The following CCDC178 variants were observed in gnomAD, a reference collection of about 807,000 sequenced individuals.
CCDC178 encodes coiled-coil domain-containing protein 178.
Under a neutral mutation model 117.4 loss-of-function variants are expected in CCDC178, and 126 were observed. That is an observed-to-expected ratio of 1.07 (90% CI 0.93 to 1.24). CCDC178 has a LOEUF of 1.24. CCDC178 is among the 50% of genes most tolerant of loss of function. The pLI is 0.00. For synonymous variants in CCDC178, 283 were observed against 313.4 expected (o/e 0.90, Z 1.02); for missense variants, 1,030 against 986.9 (o/e 1.04, Z -0.59).
chr18:33,382,107 C>A (rs1399350806), intron 5 of CCDC178, among the ~76,000 whole-genome samples: 1 of 151,988 alleles, frequency 6.6e-6, no homozygotes, highest in East Asian at 1.9e-4. Flanking sequence ...ATGAAAGAAT[C>A]AAAATGGTAA....
chr18:33,127,020 A>C (rs1257295008), intron 20 of CCDC178, among the ~76,000 whole-genome samples: 1 of 135,332 alleles, frequency 7.4e-6, no homozygotes, highest in Non-Finnish European at 1.6e-5. Context: ...ATATATACAC[A>C]CACACACACA....
intron 7 of CCDC178, among the ~76,000 whole-genome samples, chr18:33,350,279 T>G (rs1290398911): frequency 1.3e-5 from 2 of 152,110 alleles, no homozygotes; most frequent in Non-Finnish European, 2.9e-5. Flanking sequence ...TTTCTATTTT[T>G]TTAATTGAGC....
chr18:33,417,535 T>C (rs375413396), intron 2 of CCDC178, among the ~76,000 whole-genome samples: 12 of 148,192 alleles, frequency 8.1e-5, no homozygotes, highest in East Asian at 2.0e-4. Context: ...CAGAGCTGTA[T>C]ACACACACAC....
chr18:33,015,141 A>ATGGGAG (rs2055955786), intron 21 of CCDC178, among the ~76,000 whole-genome samples: 4 of 151,936 alleles, frequency 2.6e-5, no homozygotes, highest in African/African-American at 9.7e-5. Flanking sequence ...CTGTAATCCC[A>ATGGGAG]GCTACTTGGG....
Position 33,412,123 on chromosome 18 carries a change from A to C in CCDC178, c.-22-13T>G. The C allele has an allele frequency of 1.0e-6, 1 of 990,190 alleles. No individual in the cohort carries two copies. The highest frequency in any genetic ancestry group is 1.7e-5 in the African/African-American group (1 of 60,092). The allele number at this position is 990,190 out of a possible 1,614,324, so 61.3% of individuals were successfully genotyped here. A position where few individuals can be genotyped will look rare whatever the true frequency, so the allele number is the denominator to read the frequency against. Reference sequence around the variant, plus strand: ...AATATTTTAAAACCTAATTAGAAAGAAAAATATTTAAATATCATGAATCTA... The same window carrying C: ...AATATTTTAAAACCTAATTAGAAAGCAAAATATTTAAATATCATGAATCTA... On this transcript the variant is annotated splice_polypyrimidine_tract_variant and intron_variant, in intron 2 of 22. Transcript: ENST00000383096.
intron 11 of CCDC178, among the ~76,000 whole-genome samples, chr18:33,306,458 TTA>T (rs372306745): frequency 8.8e-5 from 10 of 113,118 alleles, no homozygotes; most frequent in South Asian, 2.9e-4. Flanking sequence ...GTACATATGG[TTA>T]TATATATATA....
intron 22 of CCDC178, among the ~76,000 whole-genome samples, chr18:32,942,259 T>C (rs1474168406): frequency 6.6e-6 from 1 of 152,132 alleles, no homozygotes; most frequent in Non-Finnish European, 1.5e-5. Flanking sequence ...CAATTTCATT[T>C]TGAATATCGC....
intron 11 of CCDC178, among the ~76,000 whole-genome samples, chr18:33,314,157 C>T (rs1298529760): frequency 2.2e-5 from 3 of 137,604 alleles, no homozygotes; most frequent in Admixed American, 7.8e-5. Flanking sequence ...GCCGAGATCC[C>T]GCCACTGCAC....
intron 20 of CCDC178, among the ~76,000 whole-genome samples, chr18:33,125,754 G>A (rs931680285): frequency 1.3e-5 from 2 of 152,198 alleles, no homozygotes; most frequent in Non-Finnish European, 2.9e-5. Flanking sequence ...GGCTGGGACA[G>A]CTTTTCAGAG....
chr18:32,980,388 G>A (rs1046293591), intron 21 of CCDC178, among the ~76,000 whole-genome samples: 9 of 151,524 alleles, frequency 5.9e-5, no homozygotes, highest in Non-Finnish European at 1.2e-4. Context: ...TCGAGACCAC[G>A]GTGAAACCCC....
intron 21 of CCDC178, among the ~76,000 whole-genome samples, chr18:33,022,882 T>C (rs1043515825): frequency 7.2e-5 from 11 of 151,944 alleles, no homozygotes; most frequent in African/African-American, 2.7e-4. Context: ...GGGCTGGAAG[T>C]AAAGGATGAA....
At chr18:32,973,562 T>A (rs2144692290) in intron 22 of CCDC178, among the ~76,000 whole-genome samples, 1 of 152,172 alleles carries the variant, frequency 6.6e-6, no homozygotes, top group East Asian at 1.9e-4. Context: ...ACAACCCATA[T>A]ATAAAGCACA....
chr18:33,279,322 GAGAGCCAA>G (rs2059992508), intron 12 of CCDC178, among the ~76,000 whole-genome samples: 2 of 151,948 alleles, frequency 1.3e-5, no homozygotes, highest in South Asian at 4.2e-4. Flanking sequence ...CAGACAAACA[GAGAGCCAA>G]ATCATGAGTG....
At chr18:33,213,788 T>C (rs2059133974) in intron 19 of CCDC178, among the ~76,000 whole-genome samples, 1 of 152,030 alleles carries the variant, frequency 6.6e-6, no homozygotes, top group Non-Finnish European at 1.5e-5. Flanking sequence ...TTATAAAAAT[T>C]AAATGAGGGT....
intron 22 of CCDC178, among the ~76,000 whole-genome samples, chr18:32,957,375 C>T (rs923397838): frequency 2.6e-5 from 4 of 152,042 alleles, no homozygotes; most frequent in African/African-American, 9.7e-5. Flanking sequence ...TTTTTGCATC[C>T]AAAATGGTGT....
intron 10 of CCDC178, among the ~76,000 whole-genome samples, chr18:33,327,361 G>A (rs1179520850): frequency 6.6e-6 from 1 of 151,990 alleles, no homozygotes; most frequent in Non-Finnish European, 1.5e-5. Context: ...ACATTGGGCT[G>A]TTTCTTTTGG....
intron 21 of CCDC178, among the ~76,000 whole-genome samples, chr18:33,059,450 GA>G: frequency 6.6e-6 from 1 of 152,112 alleles, no homozygotes; most frequent in East Asian, 1.9e-4. Flanking sequence ...ACCTATCCTA[GA>G]GGTTTGCCCT....
intron 21 of CCDC178, among the ~76,000 whole-genome samples, chr18:32,982,024 C>T (rs966835870): frequency 5.9e-5 from 9 of 152,122 alleles, no homozygotes; most frequent in Non-Finnish European, 7.4e-5. Flanking sequence ...AGCTTATACA[C>T]GTGTCATATG....
intron 4 of CCDC178, among the ~76,000 whole-genome samples, chr18:33,391,013 T>A (rs2063557314): frequency 6.6e-6 from 1 of 151,200 alleles, no homozygotes; most frequent in Non-Finnish European, 1.5e-5. Flanking sequence ...AGCAAAAATA[T>A]TCAATAATAG....
Sources: gnomAD v4.1 joint callset for allele counts (sites outside exome capture counted in the v4.1 genomes callset) on GRCh38, gnomAD v4.1.1 for gene constraint, MANE v1.5 for transcripts, NCBI Gene and HGNC (gene_info 2026-07-23, HGNC 2026-07-21) for gene names.